TNS1: variants seen among roughly 807,000 people sequenced by gnomAD.
TNS1 encodes the protein tensin-1.
TNS1 carries 62 observed loss-of-function variants against 168.6 expected under a neutral mutation model. That is an observed-to-expected ratio of 0.37 (90% CI 0.30 to 0.45). The LOEUF is 0.45. Ranked by LOEUF, TNS1 falls within the 20% of genes least tolerant of loss-of-function variation. The pLI, the probability that TNS1 is intolerant of heterozygous loss-of-function variation, is 1.00. For synonymous variants in TNS1, 934 were observed against 933.2 expected (o/e 1.00, Z -0.02); for missense variants, 2,240 against 2,339.4 (o/e 0.96, Z 0.88).
chr2:217,966,960 A>G (rs1463133690), intron 3 of TNS1, among the ~76,000 whole-genome samples: 1 of 152,216 alleles, frequency 6.6e-6, no homozygotes, highest in Non-Finnish European at 1.5e-5. Flanking sequence ...TCTGCTTTAT[A>G]TGTGGTATTT....
intron 18 of TNS1, among the ~76,000 whole-genome samples, chr2:217,874,514 T>C (rs1200851936): frequency 2.0e-5 from 3 of 152,144 alleles, no homozygotes; most frequent in Admixed American, 1.3e-4. Context: ...GGGGAAGTAA[T>C]TTTTCCAAGG....
intron 2 of TNS1, among the ~76,000 whole-genome samples, chr2:217,990,559 C>T (rs1447416088): frequency 1.3e-5 from 2 of 152,130 alleles, no homozygotes; most frequent in Non-Finnish European, 2.9e-5. Flanking sequence ...ATCATCCACA[C>T]ACCAGCCACA....
intron 3 of TNS1, among the ~76,000 whole-genome samples, chr2:217,971,981 T>G (rs538026325): frequency 1.9e-4 from 29 of 152,252 alleles, no homozygotes; most frequent in Non-Finnish European, 3.7e-4. Flanking sequence ...TTCACACCAC[T>G]GCCCTCAGAA....
At chr2:217,812,012 T>G (rs1941004561) in intron 28 of TNS1, among the ~76,000 whole-genome samples, 1 of 152,126 alleles carries the variant, frequency 6.6e-6, no homozygotes, top group Admixed American at 6.5e-5. Flanking sequence ...CTCCCCACTC[T>G]CTTCCCCAGA....
chr2:217,881,011 A>G lies in TNS1; in HGVS notation c.1316T>C (p.Met439Thr), dbSNP rs1222674756. ...GCTCGGCCCGTTCTCCAGGTGCTCC[A>G]TGCCTAAGTGGGATGGGAAAGGCAG... ...FSYGPEKIQGMEHLENGPSVS... is the reference protein window; with the variant it reads ...FSYGPEKIQGTEHLENGPSVS... The change falls in exon 18 of 33, where the codon ATG (methionine) becomes ACG (threonine). Residue 439 changes from methionine (M) to threonine (T), a missense_variant. Transcript: ENST00000682258. The G allele has an allele frequency of 3.7e-6, 6 of 1,612,942 alleles. No individual in the cohort carries two copies. The Admixed American group carries it at 8.3e-5, about 22-fold the overall frequency.
chr2:217,917,864 G>A (rs1014882250), intron 4 of TNS1, among the ~76,000 whole-genome samples: 1 of 149,628 alleles, frequency 6.7e-6, no homozygotes, highest in Admixed American at 6.7e-5. Context: ...GCGACTGGGG[G>A]AAAAGCCTTG....
chr2:217,845,679 G>A (rs1367814929), intron 19 of TNS1, among the ~76,000 whole-genome samples: 2 of 152,216 alleles, frequency 1.3e-5, no homozygotes, highest in African/African-American at 4.8e-5. Flanking sequence ...CAAAGCCTGA[G>A]AGGCTACAGA....
intron 18 of TNS1, chr2:217,859,448 T>G: frequency 1.8e-6 from 1 of 568,914 alleles, no homozygotes; most frequent in South Asian, 2.4e-5. Flanking sequence ...CCCCACAGGG[T>G]CCTGCACTTC....
chr2:217,843,399 C>T (rs770874823), intron 19 of TNS1, among the ~76,000 whole-genome samples: 6 of 151,954 alleles, frequency 3.9e-5, no homozygotes, highest in Non-Finnish European at 5.9e-5. Context: ...TACATACAAA[C>T]ATTCTCATGA....
rs189116742 is a variant in TNS1 at position 217,853,869 on chromosome 2, C to T, written c.1430-4782G>A. On this transcript the variant is annotated intron_variant, in intron 18 of 32. Transcript: ENST00000682258. ...CCAGAAAAGGGTGCAGAGGTGTGTG[C>T]GGCACTAGCCATGCAGCTCAGGCTG... Among the ~76,000 whole-genome samples the T allele has an allele frequency of 7.6e-4, 116 of 152,282 alleles. 2 individuals carry two copies. Among genetic ancestry groups the T allele is most frequent in the Non-Finnish European group, 7.2e-4 (49 of 68,022 alleles).
upstream of TNS1, among the ~76,000 whole-genome samples, chr2:218,014,587 C>T (rs146732194): frequency 2.1e-4 from 32 of 152,322 alleles, no homozygotes; most frequent in Non-Finnish European, 2.4e-4. Context: ...GTCAATGACT[C>T]CTGGGCCTCC....
chr2:217,853,346 A>G (rs1947757021), intron 18 of TNS1, among the ~76,000 whole-genome samples: 1 of 152,158 alleles, frequency 6.6e-6, no homozygotes, highest in East Asian at 1.9e-4. Flanking sequence ...GCAGCCACAA[A>G]GGGAGTGATC....
intron 3 of TNS1, among the ~76,000 whole-genome samples, chr2:217,932,096 G>A (rs925107627): frequency 3.8e-4 from 58 of 152,162 alleles, no homozygotes; most frequent in African/African-American, 1.4e-3. Context: ...TTTTCTCATC[G>A]CCTGACTCCA....
intron 3 of TNS1, among the ~76,000 whole-genome samples, chr2:217,957,699 A>G (rs1198110023): frequency 6.6e-6 from 1 of 152,134 alleles, no homozygotes; most frequent in East Asian, 1.9e-4. Context: ...TGATCATAAG[A>G]AATTATTATT....
chr2:217,987,795 C>G (rs904162753), intron 2 of TNS1, among the ~76,000 whole-genome samples: 9 of 152,212 alleles, frequency 5.9e-5, no homozygotes, highest in African/African-American at 2.2e-4. Context: ...AGTGAACAGA[C>G]ATGAGCTGGA....
chr2:217,994,078 C>A (rs986239883), intron 1 of TNS1, among the ~76,000 whole-genome samples: 18 of 152,140 alleles, frequency 1.2e-4, no homozygotes, highest in Non-Finnish European at 7.4e-5. Flanking sequence ...AGGGGTAGAT[C>A]CAGCCAGCCA....
Position 217,804,274 on chromosome 2 carries a change from C to CTT in TNS1, c.*184_*185insAA, listed in dbSNP as rs1937974932. On this transcript the variant is annotated 3_prime_UTR_variant, in exon 33 of 33. Coordinates refer to ENST00000682258, the MANE Select transcript of TNS1 (RefSeq NM_001387777.1). Reference sequence around the variant, plus strand: ...TCCATCTTTCTCTCTCTCTCTCTCTCTCTCTCTCTCTCTCTTTTCCCCCTC... The same window carrying CTT: ...TCCATCTTTCTCTCTCTCTCTCTCTCTTTCTCTCTCTCTCTCTTTTCCCCCTC... 1 of 649,106 alleles carries CTT rather than the reference C, an allele frequency of 1.5e-6. No homozygotes were observed. Among genetic ancestry groups the CTT allele is most frequent in the Non-Finnish European group, 2.6e-6 (1 of 385,904 alleles). 40.2% of individuals were successfully genotyped at this position (649,106 alleles called of 1,614,324 possible).
At chr2:217,989,843 A>T (rs80284397) in intron 2 of TNS1, among the ~76,000 whole-genome samples, 29 of 151,644 alleles carry the variant, frequency 1.9e-4, no homozygotes, top group Non-Finnish European at 4.0e-4. Context: ...CTCAAAACAC[A>T]TCAGCCATGT....
intron 12 of TNS1, chr2:217,890,741 A>G: frequency 1.7e-6 from 1 of 592,352 alleles, no homozygotes; most frequent in South Asian, 2.0e-5. Context: ...CAGGCCTCAG[A>G]GTCAAGTGCT....
Sources: gnomAD v4.1 joint callset for allele counts (sites outside exome capture counted in the v4.1 genomes callset) on GRCh38, gnomAD v4.1.1 for gene constraint, MANE v1.5 for transcripts, NCBI Gene and HGNC (gene_info 2026-07-23, HGNC 2026-07-21) for gene names.